The following WWOX variants were observed in gnomAD, a reference collection of about 807,000 sequenced individuals.
The protein encoded by WWOX is WW domain-containing oxidoreductase.
In WWOX, 69 loss-of-function variants were observed where a neutral mutation model predicts 46.2. The ratio of observed to expected loss-of-function variants is 1.49; its 90% CI spans 1.23 to 1.82. The LOEUF (loss-of-function observed/expected upper bound fraction) is 1.82. Among genes scored for constraint, WWOX ranks in the 40% most tolerant of loss-of-function variants. The pLI is 0.00. For synonymous variants in WWOX, 359 were observed against 202.6 expected (o/e 1.77, Z -6.56); for missense variants, 919 against 542.6 (o/e 1.69, Z -6.89).
chr16:78,632,625 C>G (rs1446856634), intron 8 of WWOX, among the ~76,000 whole-genome samples: 1 of 128,188 alleles, frequency 7.8e-6, no homozygotes, highest in African/African-American at 2.9e-5. Context: ...ATGGTGCGAT[C>G]TCAGCTCCCT....
intron 8 of WWOX, among the ~76,000 whole-genome samples, chr16:78,513,210 CAA>C (rs1490248257): frequency 6.6e-6 from 1 of 152,104 alleles, no homozygotes; most frequent in African/African-American, 2.4e-5. Flanking sequence ...TATGAATTGA[CAA>C]ATTAATAAAA....
intron 8 of WWOX, among the ~76,000 whole-genome samples, chr16:79,145,678 A>G (rs2050171464): frequency 1.3e-5 from 2 of 152,232 alleles, no homozygotes; most frequent in African/African-American, 4.8e-5. Flanking sequence ...TTTGTTTTAA[A>G]CTTCTGTAAT....
At chr16:78,563,030 C>T (rs2044476675) in intron 8 of WWOX, among the ~76,000 whole-genome samples, 2 of 151,724 alleles carry the variant, frequency 1.3e-5, no homozygotes, top group East Asian at 1.9e-4. Context: ...TTCTTTGCAC[C>T]CACGATGCTC....
At chr16:78,779,886 C>G (rs1216751815) in intron 8 of WWOX, among the ~76,000 whole-genome samples, 2 of 152,154 alleles carry the variant, frequency 1.3e-5, no homozygotes, top group South Asian at 4.1e-4. Flanking sequence ...TCTGCCACCT[C>G]TACTCTTCCT....
chr16:79,063,292 T>C (rs2048386361), intron 8 of WWOX, among the ~76,000 whole-genome samples: 2 of 152,344 alleles, frequency 1.3e-5, no homozygotes, highest in South Asian at 2.1e-4. Context: ...CTGCTCTTTA[T>C]AGCCGTGTTT....
chr16:79,110,503 G>A (rs1253845945), intron 8 of WWOX, among the ~76,000 whole-genome samples: 1 of 152,100 alleles, frequency 6.6e-6, no homozygotes, highest in Non-Finnish European at 1.5e-5. Context: ...TAGAATATCT[G>A]ACCCAATTCT....
intron 8 of WWOX, among the ~76,000 whole-genome samples, chr16:79,102,561 T>C (rs1217910672): frequency 6.6e-6 from 1 of 152,178 alleles, no homozygotes; most frequent in African/African-American, 2.4e-5. Flanking sequence ...AATCATACTT[T>C]GAAGCTCAAT....
intron 1 of WWOX, 140 bp from the exon 2 acceptor site, chr16:78,108,283 G>A (rs1043873429): frequency 8.5e-6 from 7 of 824,478 alleles, no homozygotes; most frequent in Non-Finnish European, 1.2e-5. Flanking sequence ...CGTAGCTGGG[G>A]TCACAGTCCT....
chr16:78,965,876 T>A (rs1259052698), intron 8 of WWOX, among the ~76,000 whole-genome samples: 1 of 152,176 alleles, frequency 6.6e-6, no homozygotes, highest in East Asian at 1.9e-4. Context: ...CTATTAGATT[T>A]TCCCAAGCAG....
intron 8 of WWOX, among the ~76,000 whole-genome samples, chr16:78,840,473 G>C (rs1282961867): frequency 6.6e-6 from 1 of 151,480 alleles, no homozygotes; most frequent in Non-Finnish European, 1.5e-5. Flanking sequence ...GGCATGGCAT[G>C]ATCCCACTAC....
At position 78,168,189 on chromosome 16, in the gene WWOX, T is replaced by G. The variant is rs1046151018; in HGVS notation, c.516+3900T>G. On this transcript the variant is annotated intron_variant, in intron 5 of 8. Transcript: ENST00000566780. ...CCGTGGGCATTCTTAGCTCTGCTTCTGGAGATAAGAGTTCATTCCTCCATC... is the reference window on the plus strand; with the variant it reads ...CCGTGGGCATTCTTAGCTCTGCTTCGGGAGATAAGAGTTCATTCCTCCATC... 22 of 152,244 alleles carry G rather than the reference T, an allele frequency of 1.4e-4. 1 individual carries two copies. Among genetic ancestry groups the G allele is most frequent in the Non-Finnish European group, 1.5e-5 (1 of 68,064 alleles). The allele number at this position is 152,244 out of a possible 1,614,324, so 9.4% of individuals were successfully genotyped here. A position where few individuals can be genotyped will look rare whatever the true frequency, so the allele number is the denominator to read the frequency against.
chr16:78,645,686 T>C (rs1403998564), intron 8 of WWOX, among the ~76,000 whole-genome samples: 1 of 152,066 alleles, frequency 6.6e-6, no homozygotes, highest in East Asian at 1.9e-4. Context: ...AACATTAATC[T>C]AGCCATGAGG....
At chr16:79,005,990 G>A (rs549761205) in intron 8 of WWOX, among the ~76,000 whole-genome samples, 10 of 152,264 alleles carry the variant, frequency 6.6e-5, no homozygotes, top group African/African-American at 1.9e-4. Context: ...CAGGTGTTTA[G>A]TCCCCTCTCT....
intron 8 of WWOX, chr16:78,891,221 A>G (rs1223674500): frequency 6.6e-6 from 1 of 152,108 alleles, no homozygotes; most frequent in Non-Finnish European, 1.5e-5. Context: ...CCCATCTGAT[A>G]TTTGAATAAC....
In WWOX at chr16:79,087,818, G is replaced by A. The variant is rs565550930; in HGVS notation, c.1057-123790G>A. On this transcript the variant is annotated intron_variant, in intron 8 of 8. Coordinates refer to ENST00000566780, the MANE Select transcript of WWOX (RefSeq NM_016373.4). ...GAGGAAATCACTGAAGCCACCTCAC[G>A]TAATGTGAGCATGTATGCTCAAGGG... is the stretch of plus-strand genomic sequence containing the variant. Among the ~76,000 whole-genome samples the A allele has an allele frequency of 1.4e-4, 22 of 152,258 alleles. No individual in the cohort carries two copies. The South Asian group carries it at 4.6e-3, about 32-fold the overall frequency.
At chr16:79,210,879 C>T (rs1054372672) in intron 8 of WWOX, among the ~76,000 whole-genome samples, 31 of 152,306 alleles carry the variant, frequency 2.0e-4, no homozygotes, top group Middle Eastern at 3.4e-3. Flanking sequence ...CTCTTTGCAA[C>T]TTACATTTTG....
Position 78,820,411 on chromosome 16 carries a change from T to A in WWOX, c.1056+387659T>A, listed in dbSNP as rs187110458. ...GATCTGGGAGTATTGTTTGGAGACATCTCAGTATTCCTAATTCATTTTCCC... is the reference window on the plus strand; with the variant it reads ...GATCTGGGAGTATTGTTTGGAGACAACTCAGTATTCCTAATTCATTTTCCC... On this transcript the variant is annotated intron_variant, in intron 8 of 8. Transcript: ENST00000566780. 3.5e-3 allele frequency among the ~76,000 whole-genome samples: 538 copies of A among 152,278 alleles called. 4 individuals are homozygous for A. Among genetic ancestry groups the A allele is most frequent in the Middle Eastern group, 6.8e-3 (2 of 294 alleles).
intron 8 of WWOX, among the ~76,000 whole-genome samples, chr16:78,782,388 C>A (rs1024921750): frequency 2.0e-5 from 3 of 152,188 alleles, no homozygotes; most frequent in Non-Finnish European, 4.4e-5. Flanking sequence ...ATTTCTCTTT[C>A]CCACAATCTA....
At chr16:79,095,297 G>C (rs568443737) in intron 8 of WWOX, among the ~76,000 whole-genome samples, 3 of 152,316 alleles carry the variant, frequency 2.0e-5, no homozygotes, top group Non-Finnish European at 2.9e-5. Context: ...ATTTATAGCT[G>C]TTCCTTCAAG....
Sources: gnomAD v4.1 joint callset for allele counts (sites outside exome capture counted in the v4.1 genomes callset) on GRCh38, gnomAD v4.1.1 for gene constraint, MANE v1.5 for transcripts, NCBI Gene and HGNC (gene_info 2026-07-23, HGNC 2026-07-21) for gene names.